Variants in CDK8 observed in about 807,000 individuals in gnomAD.
The protein encoded by CDK8 is cyclin dependent kinase 8, also known as cyclin-dependent kinase 8.
A neutral mutation model predicts 71.5 loss-of-function variants in CDK8; 29 were observed. That is an observed-to-expected ratio of 0.41 (90% CI 0.30 to 0.55). CDK8 has a LOEUF of 0.55. CDK8 is among the 20% of genes least tolerant of loss of function. CDK8 has a pLI of 0.37. For synonymous variants in CDK8, 161 were observed against 192.1 expected (o/e 0.84, Z 1.34); for missense variants, 288 against 572.6 (o/e 0.50, Z 5.07).
rs114179302 is a variant in CDK8, at chr13:26,327,529, T to C, written c.129-10038T>C. On this transcript the variant is annotated intron_variant, in intron 1 of 12. Coordinates refer to ENST00000381527, the MANE Select transcript of CDK8 (RefSeq NM_001260.3). ...GTAAGAAATAGTTCTAGGCAGTTTT[T>C]GAAAATAAAGCAAGAACAACCAGGT... is the stretch of plus-strand genomic sequence containing the variant. 7.2e-3 allele frequency among the ~76,000 whole-genome samples: 1,093 copies of C among 152,218 alleles called. 13 individuals carry two copies. The highest frequency in any genetic ancestry group is 0.023 in the African/African-American group (957 of 41,550).
Position 26,367,624 on chromosome 13 carries a change from C to T in CDK8, c.456+13744C>T, listed in dbSNP as rs567025861. On this transcript the variant is annotated intron_variant, in intron 4 of 12. Coordinates refer to ENST00000381527, the MANE Select transcript of CDK8 (RefSeq NM_001260.3). The stretch of plus-strand genomic sequence containing the variant: ...TGTTCATTAAGTACATTTCACTTTT[C>T]AAGTTGCCCTGTGAATATTAAGTAC... Among the ~76,000 whole-genome samples, 124 of 152,262 alleles carry T rather than the reference C, an allele frequency of 8.1e-4. 1 individual carries two copies. The South Asian group carries it at 8.5e-3, about 10-fold the overall frequency.
chr13:26,378,492 T>G (rs540345739), intron 4 of CDK8, among the ~76,000 whole-genome samples: 66 of 152,314 alleles, frequency 4.3e-4, no homozygotes, highest in South Asian at 1.5e-3. Context: ...GGGAACCCAT[T>G]GCTTCAAACA....
intron 4 of CDK8, among the ~76,000 whole-genome samples, chr13:26,365,693 T>C (rs1048558278): frequency 6.6e-6 from 1 of 152,110 alleles, no homozygotes; most frequent in African/African-American, 2.4e-5. Flanking sequence ...AATACATCAT[T>C]ATGTATTTTA....
intron 1 of CDK8, among the ~76,000 whole-genome samples, chr13:26,278,080 A>G (rs573283495): frequency 1.7e-4 from 26 of 152,326 alleles, no homozygotes; most frequent in African/African-American, 6.0e-4. Context: ...AATGGTTTCA[A>G]CATGTCCTAA....
chr13:26,327,931 C>A (rs1875095949), intron 1 of CDK8, among the ~76,000 whole-genome samples: 1 of 148,194 alleles, frequency 6.7e-6, no homozygotes, highest in African/African-American at 2.5e-5. Flanking sequence ...TAAAATATGG[C>A]TAAGGCCCAA....
At chr13:26,275,073 T>C (rs1005644107) in intron 1 of CDK8, among the ~76,000 whole-genome samples, 1 of 152,218 alleles carries the variant, frequency 6.6e-6, no homozygotes, top group African/African-American at 2.4e-5. Context: ...AAATGCTGCT[T>C]TTATCATTAC....
At chr13:26,388,347 A>G (rs1875580031) in intron 6 of CDK8, among the ~76,000 whole-genome samples, 1 of 152,206 alleles carries the variant, frequency 6.6e-6, no homozygotes, top group East Asian at 1.9e-4. Context: ...TTCTAGTCCT[A>G]TTTTGGAATA....
At chr13:26,279,845 T>C (rs185652747) in intron 1 of CDK8, among the ~76,000 whole-genome samples, 53 of 152,338 alleles carry the variant, frequency 3.5e-4, no homozygotes, top group Admixed American at 8.5e-4. Context: ...AAAATGTCCT[T>C]ATTCTCAGAA....
Position 26,335,920 on chromosome 13 carries a change from TAACAACAAC to T in CDK8, c.129-1621_129-1613del, listed in dbSNP as rs71080255. ...AAAATATAATTGATATTCTCTTGCT[TAACAACAAC>T]AACAACAACAACAACAACAACAACA... On this transcript the variant is annotated intron_variant, in intron 1 of 12. Coordinates refer to ENST00000381527, the MANE Select transcript of CDK8 (RefSeq NM_001260.3). Among the ~76,000 whole-genome samples the T allele has an allele frequency of 2.2e-4, 33 of 150,078 alleles. No individual in the cohort carries two copies. The East Asian group carries it at 2.4e-3, about 11-fold the overall frequency.
chr13:26,353,715 G>C (rs9943935), intron 3 of CDK8, 25 bp from the exon 4 acceptor site: 4 of 1,562,436 alleles, frequency 2.6e-6, no homozygotes, highest in Non-Finnish European at 3.5e-6. Context: ...TTAAGCTTCT[G>C]TTGATATTTT....
intron 2 of CDK8, among the ~76,000 whole-genome samples, chr13:26,342,041 C>T (rs1179168386): frequency 6.6e-6 from 1 of 152,164 alleles, no homozygotes; most frequent in Non-Finnish European, 1.5e-5. Context: ...CTGCCTCACC[C>T]TCCCAAGTAG....
intron 1 of CDK8, among the ~76,000 whole-genome samples, chr13:26,316,732 T>C (rs1400275669): frequency 6.6e-6 from 1 of 152,118 alleles, no homozygotes; most frequent in African/African-American, 2.4e-5. Context: ...GAATCTGATT[T>C]CTAGAGTTAC....
intron 1 of CDK8, among the ~76,000 whole-genome samples, chr13:26,329,768 T>C (rs1467325158): frequency 1.3e-5 from 2 of 152,090 alleles, no homozygotes; most frequent in Non-Finnish European, 2.9e-5. Flanking sequence ...CCTCCCAAAG[T>C]GCTGGGATTA....
chr13:26,262,543 T>C (rs954952429), intron 1 of CDK8, among the ~76,000 whole-genome samples: 8 of 152,256 alleles, frequency 5.3e-5, no homozygotes, highest in African/African-American at 1.9e-4. Flanking sequence ...CCTATGTTTT[T>C]ACCCAGAATG....
At chr13:26,283,472 G>A (rs1392752312) in intron 1 of CDK8, among the ~76,000 whole-genome samples, 1 of 152,186 alleles carries the variant, frequency 6.6e-6, no homozygotes, top group African/African-American at 2.4e-5. Flanking sequence ...GCTGGGCGTG[G>A]TGGCACGTGC....
intron 7 of CDK8, among the ~76,000 whole-genome samples, chr13:26,393,850 A>T (rs1001274031): frequency 6.6e-6 from 1 of 152,220 alleles, no homozygotes; most frequent in African/African-American, 2.4e-5. Context: ...ACTATAAATG[A>T]ATTCAGTAGT....
At chr13:26,383,068 A>G (rs1240694114) in intron 5 of CDK8, among the ~76,000 whole-genome samples, 197 bp downstream of exon 5, 1 of 152,246 alleles carries the variant, frequency 6.6e-6, no homozygotes, top group Non-Finnish European at 1.5e-5. Flanking sequence ...TAAAGACTGA[A>G]GCATTCTAAT....
At chr13:26,355,561 C>A (rs1873859493) in intron 4 of CDK8, among the ~76,000 whole-genome samples, 1 of 152,274 alleles carries the variant, frequency 6.6e-6, no homozygotes, top group East Asian at 1.9e-4. Context: ...TTGCAGTGAG[C>A]CAAGATCGCG....
chr13:26,254,593 C>G lies in CDK8; in HGVS notation c.-49C>G. 9 of 1,244,756 alleles carry G rather than the reference C, an allele frequency of 7.2e-6. No individual in the cohort carries two copies. Among genetic ancestry groups the G allele is most frequent in the African/African-American group, 1.5e-5 (1 of 66,734 alleles). The allele number at this position is 1,244,756 out of a possible 1,614,324, so 77.1% of individuals were successfully genotyped here. On this transcript the variant is annotated 5_prime_UTR_variant, in exon 1 of 13. Transcript: ENST00000381527. The surrounding 1 kb of genome is among the most constrained non-coding windows in gnomAD (Gnocchi z 6.7). ...GCCCGTGCTTCCCCGGTCCCCACCC[C>G]TGCCCCCCGGCCCCCCGACCCAGCT...
Sources: gnomAD v4.1 joint callset for allele counts (sites outside exome capture counted in the v4.1 genomes callset) on GRCh38, gnomAD v4.1.1 for gene constraint, Gnocchi (gnomAD v3.1) non-coding constraint, MANE v1.5 for transcripts, NCBI Gene and HGNC (gene_info 2026-07-23, HGNC 2026-07-21) for gene names.